The following FXYD1 variants were observed in gnomAD, a reference collection of about 807,000 sequenced individuals.
FXYD1 encodes FXYD domain containing ion transport regulator 1, also known as phospholemman.
FXYD1 carries 9 observed loss-of-function variants against 17.2 expected under a neutral mutation model. That is an observed-to-expected ratio of 0.52 (90% CI 0.32 to 0.91). The LOEUF (loss-of-function observed/expected upper bound fraction) is 0.91. Ranked by LOEUF, FXYD1 falls within the 40% of genes least tolerant of loss-of-function variation. The probability of loss-of-function intolerance (pLI) is 0.04; values close to 1 mark genes in which losing one functional copy is unlikely to be tolerated. For missense variants in FXYD1, 113 were observed against 120.6 expected (o/e 0.94, Z 0.29); for synonymous variants, 55 against 45.8 (o/e 1.20, Z -0.81).
intron 3 of FXYD1, 183 bp downstream of exon 3, chr19:35,140,812 ACTGT>A: frequency 1.6e-6 from 1 of 607,078 alleles, no homozygotes; most frequent in Non-Finnish European, 2.9e-6. Flanking sequence ...TATCTGTGTC[ACTGT>A]CTATGTGATA....
At chr19:35,142,279 G>A in intron 5 of FXYD1, 193 bp from the exon 6 acceptor site, 1 of 542,472 alleles carries the variant, frequency 1.8e-6, no homozygotes, top group Non-Finnish European at 3.2e-6. Flanking sequence ...CTGTTAACCA[G>A]CTTAGAAGCC....
intron 5 of FXYD1, chr19:35,142,213 A>G: frequency 2.3e-6 from 1 of 432,818 alleles, no homozygotes; most frequent in Non-Finnish European, 4.1e-6. Context: ...AGTCCCCATG[A>G]CTATCCCTCC....
At chr19:35,140,032 G>T in intron 1 of FXYD1, 44 bp from the exon 2 acceptor site, 1 of 1,575,788 alleles carries the variant, frequency 6.3e-7, no homozygotes, top group South Asian at 1.1e-5. Context: ...CCCTATGTGG[G>T]AGAGCAAGGG....
chr19:35,141,726 C>G (rs150323969), intron 5 of FXYD1, among the ~76,000 whole-genome samples, 154 bp downstream of exon 5: 2 of 152,204 alleles, frequency 1.3e-5, no homozygotes, highest in African/African-American at 4.8e-5. Flanking sequence ...GGCCCTGGGA[C>G]CAAGCGAGGA....
rs141628263 is a variant in FXYD1 at position 35,140,737 on chromosome 19, C to T, written c.94+108C>T. On this transcript the variant is annotated intron_variant, in intron 3 of 7. Coordinates refer to ENST00000351325, the MANE Select transcript of FXYD1 (RefSeq NM_021902.4). ...TCCCAGTATTGATATCTCTGTCATTCTCCTTCCCTCTATTTTGTCCTTCCT... is the reference window on the plus strand; with the variant it reads ...TCCCAGTATTGATATCTCTGTCATTTTCCTTCCCTCTATTTTGTCCTTCCT... 1,402 of 855,856 alleles carry T rather than the reference C, an allele frequency of 1.6e-3. 2 individuals carry two copies. The highest frequency in any genetic ancestry group is 2.2e-3 in the Non-Finnish European group (1,164 of 520,358). The allele number at this position is 855,856 out of a possible 1,614,324, so 53.0% of individuals were successfully genotyped here. A position where few individuals can be genotyped will look rare whatever the true frequency, so the allele number is the denominator to read the frequency against.
chr19:35,139,961 G>C, intron 1 of FXYD1, 115 bp from the exon 2 acceptor site: 1 of 914,792 alleles, frequency 1.1e-6, no homozygotes, highest in South Asian at 1.4e-5. Context: ...CCAAGATAGA[G>C]GACAAACACT....
intron 6 of FXYD1, 79 bp downstream of exon 6, chr19:35,142,600 G>C (rs1352314688): frequency 1.3e-6 from 2 of 1,533,008 alleles, no homozygotes; most frequent in Non-Finnish European, 1.8e-6. Context: ...CCCTGGCTGC[G>C]TAGAGGGAAG....
At chr19:35,139,842 C>A in intron 1 of FXYD1, 1 of 487,916 alleles carries the variant, frequency 2.0e-6, no homozygotes, top group Non-Finnish European at 3.8e-6. Flanking sequence ...GTGTGTCTCA[C>A]CCCCGTCCCT....
Position 35,140,190 on chromosome 19 carries a change from G to A in FXYD1, c.61+50G>A, listed in dbSNP as rs188569894. 575 of 1,098,328 alleles carry A rather than the reference G, an allele frequency of 5.2e-4. 1 individual carries two copies. The highest frequency in any genetic ancestry group is 1.4e-3 in the Admixed American group (83 of 59,324). 68.0% of individuals were successfully genotyped at this position (1,098,328 alleles called of 1,614,324 possible). On this transcript the variant is annotated intron_variant, in intron 2 of 7. Transcript: ENST00000351325. Reference sequence around the variant, plus strand: ...TACCCACCTCAGCCCCAGGGGTGGCGGTGGGGACCGAAGAACCAAGTTGGA... The same window carrying A: ...TACCCACCTCAGCCCCAGGGGTGGCAGTGGGGACCGAAGAACCAAGTTGGA...
chr19:35,142,870 TG>T, intron 7 of FXYD1, 46 bp from the exon 8 acceptor site: 1 of 871,642 alleles, frequency 1.1e-6, no homozygotes, highest in South Asian at 1.4e-5. Flanking sequence ...CGGCGAGGGG[TG>T]GGGCTGGACG....
upstream of FXYD1, chr19:35,137,836 G>T (rs1369990325): frequency 6.6e-6 from 1 of 152,162 alleles, no homozygotes; most frequent in Non-Finnish European, 1.5e-5. Flanking sequence ...TCGTCGGGTT[G>T]GCCAGGCTGG....
chr19:35,142,946 C>G lies in FXYD1; in HGVS notation c.*59C>G, dbSNP rs1433365343. 1.3e-5 allele frequency: 8 copies of G among 596,428 alleles called. No individual in the cohort carries two copies. The highest frequency in any genetic ancestry group is 3.8e-5 in the African/African-American group (2 of 52,718). The allele number at this position is 596,428 out of a possible 1,614,324, so 36.9% of individuals were successfully genotyped here. A position where few individuals can be genotyped will look rare whatever the true frequency, so the allele number is the denominator to read the frequency against. ...CCCCTGGCACCTGACATCTCCCACGCTCCACCTGCGCGCCCACCGCCCCCT... is the reference window on the plus strand; with the variant it reads ...CCCCTGGCACCTGACATCTCCCACGGTCCACCTGCGCGCCCACCGCCCCCT... On this transcript the variant is annotated 3_prime_UTR_variant, in exon 8 of 8. Transcript: ENST00000351325.
At chr19:35,138,127 G>T (rs1460934653), upstream of FXYD1, 1 of 152,306 alleles carries the variant, frequency 6.6e-6, no homozygotes, top group Non-Finnish European at 1.5e-5. Context: ...GCGTGGGTCT[G>T]TGTAGACATA....
intron 1 of FXYD1, chr19:35,139,214 A>C (rs1451784829): frequency 6.6e-6 from 1 of 152,346 alleles, no homozygotes; most frequent in African/African-American, 2.4e-5. Context: ...TCCTGCTCCA[A>C]CCAGCAGTTT....
chr19:35,137,272 C>T (rs1294556420), upstream of FXYD1, among the ~76,000 whole-genome samples: 1 of 152,196 alleles, frequency 6.6e-6, no homozygotes, highest in Non-Finnish European at 1.5e-5. Context: ...GTAAACCTGG[C>T]CTGCCCATGG....
rs199635474 is a variant in FXYD1 at position 35,142,427 on chromosome 19, T to C, written c.207-45T>C. 1.2e-3 allele frequency: 1,847 copies of C among 1,492,442 alleles called. 4 individuals are homozygous for C. Among genetic ancestry groups the C allele is most frequent in the Middle Eastern group, 2.8e-3 (16 of 5,786 alleles). 92.4% of individuals were successfully genotyped at this position (1,492,442 alleles called of 1,614,324 possible). ...CTGGGGGGTTCCTAGAAGGGCAGCC[T>C]CTCCCCCTTTCCATCCCGAAATCCC... On this transcript the variant is annotated intron_variant, in intron 5 of 7. Transcript: ENST00000351325.
intron 3 of FXYD1, 125 bp from the exon 4 acceptor site, chr19:35,141,003 CTTAA>C (rs2065246678): frequency 3.0e-6 from 2 of 659,324 alleles, no homozygotes; most frequent in Admixed American, 4.4e-5. Flanking sequence ...TCTGCTCCCC[CTTAA>C]TTATCTTACT....
intron 2 of FXYD1, 61 bp from the exon 3 acceptor site, chr19:35,140,536 C>T (rs923599931): frequency 6.7e-7 from 1 of 1,493,138 alleles, no homozygotes; most frequent in South Asian, 1.1e-5. Context: ...GTGGTCTCCT[C>T]ATGCCCCTCC....
At chr19:35,142,402 C>G (rs1441174851) in intron 5 of FXYD1, 70 bp from the exon 6 acceptor site, 1 of 1,195,214 alleles carries the variant, frequency 8.4e-7, no homozygotes. Context: ...GAGGCTTGTA[C>G]TGGGGGGTTC....
Sources: gnomAD v4.1 joint callset for allele counts (sites outside exome capture counted in the v4.1 genomes callset) on GRCh38, gnomAD v4.1.1 for gene constraint, MANE v1.5 for transcripts, NCBI Gene and HGNC (gene_info 2026-07-23, HGNC 2026-07-21) for gene names.